Variants in CCNT1 observed in about 807,000 individuals in gnomAD.
CCNT1 encodes cyclin T1.
CCNT1 carries 18 observed loss-of-function variants against 67.3 expected under a neutral mutation model. The ratio of observed to expected loss-of-function variants is 0.27; its 90% CI spans 0.18 to 0.40. The LOEUF (loss-of-function observed/expected upper bound fraction) is 0.40. Ranked by LOEUF, CCNT1 falls within the 10% of genes least tolerant of loss-of-function variation. The pLI is 1.00. For synonymous variants in CCNT1, 333 were observed against 310.3 expected (o/e 1.07, Z -0.77); for missense variants, 744 against 884.9 (o/e 0.84, Z 2.02).
chr12:48,694,465 C>T (rs749376617), intron 8 of CCNT1, 29 bp from the exon 9 acceptor site: 1 of 1,577,790 alleles, frequency 6.3e-7, no homozygotes, highest in South Asian at 1.1e-5. Context: ...CATCTCTTTA[C>T]TTAGGTAATT....
chr12:48,691,686 T>C lies in CCNT1; in HGVS notation c.*1347A>G, dbSNP rs1248973699. 1 of 152,146 alleles carries C rather than the reference T, an allele frequency of 6.6e-6. No homozygotes were observed. Among genetic ancestry groups the C allele is most frequent in the Non-Finnish European group, 1.5e-5 (1 of 68,038 alleles). The allele number at this position is 152,146 out of a possible 1,614,324, so 9.4% of individuals were successfully genotyped here. Reference sequence around the variant, plus strand: ...ACCTAAAGCTACCAAAGATGAACAATCTAAACACAATAGTATCCATTGGCT... The same window carrying C: ...ACCTAAAGCTACCAAAGATGAACAACCTAAACACAATAGTATCCATTGGCT... On this transcript the variant is annotated 3_prime_UTR_variant, in exon 9 of 9. Coordinates refer to ENST00000261900, the MANE Select transcript of CCNT1 (RefSeq NM_001240.4).
rs1391378413 is a variant in CCNT1, at chr12:48,689,603, T to C, written c.*3430A>G. The C allele has an allele frequency of 1.3e-5, 2 of 152,206 alleles. No individual in the cohort carries two copies. The highest frequency in any genetic ancestry group is 2.4e-5 in the African/African-American group (1 of 41,454). 9.4% of individuals were successfully genotyped at this position (152,206 alleles called of 1,614,324 possible). A position where few individuals can be genotyped will look rare whatever the true frequency, so the allele number is the denominator to read the frequency against. ...CAAGACCAAAAGAATAAAATTTGTA[T>C]TTCAACTGCAAGATGTTCTAGATTC... On this transcript the variant is annotated 3_prime_UTR_variant, in exon 9 of 9. Transcript: ENST00000261900.
At chr12:48,708,785 G>GA (rs1940404733) in intron 2 of CCNT1, among the ~76,000 whole-genome samples, 1 of 151,970 alleles carries the variant, frequency 6.6e-6, no homozygotes, top group Non-Finnish European at 1.5e-5. Context: ...TAAGGAGAGG[G>GA]AAAAAATGGT....
In CCNT1 at chr12:48,689,360, A is replaced by G. The variant is rs942304034; in HGVS notation, c.*3673T>C. On this transcript the variant is annotated 3_prime_UTR_variant, in exon 9 of 9. Coordinates refer to ENST00000261900, the MANE Select transcript of CCNT1 (RefSeq NM_001240.4). ...TGTACCGTGCTTGTTTCAAACTCAC[A>G]TCCACGGAGGGATAAAAAGACAAAA... 2.0e-5 allele frequency: 3 copies of G among 152,226 alleles called. No individual in the cohort carries two copies. The highest frequency in any genetic ancestry group is 4.8e-5 in the African/African-American group (2 of 41,456). The allele number at this position is 152,226 out of a possible 1,614,324, so 9.4% of individuals were successfully genotyped here.
At chr12:48,716,430 T>G (rs1435849886) in intron 1 of CCNT1, 85 bp downstream of exon 1, 19 of 1,273,782 alleles carry the variant, frequency 1.5e-5, no homozygotes, top group Non-Finnish European at 2.0e-5. Flanking sequence ...TTCCCCACTT[T>G]CGTCCCCCCC....
chr12:48,714,419 A>G, intron 2 of CCNT1, 24 bp downstream of exon 2: 1 of 1,428,622 alleles, frequency 7.0e-7, no homozygotes, highest in Non-Finnish European at 9.9e-7. Context: ...AAAGGATTAT[A>G]TCATATAAAA....
intron 2 of CCNT1, among the ~76,000 whole-genome samples, chr12:48,707,007 C>G (rs776105845): frequency 1.4e-4 from 21 of 152,112 alleles, no homozygotes; most frequent in Non-Finnish European, 2.6e-4. Context: ...AGTCCGAGAC[C>G]AGCCTGGGCA....
In CCNT1 at chr12:48,716,566, T is replaced by G. The variant is rs1940536589; in HGVS notation, c.110A>C (p.Tyr37Ser). 4 of 1,614,264 alleles carry G rather than the reference T, an allele frequency of 2.5e-6. No individual in the cohort carries two copies. Among genetic ancestry groups the G allele is most frequent in the Non-Finnish European group, 3.4e-6 (4 of 1,180,036 alleles). The change falls in exon 1 of 9, where the codon TAT (tyrosine) becomes TCT (serine). Residue 37 changes from tyrosine (Y) to serine (S), a missense_variant. Physicochemically the swap from Tyr to Ser is moderately radical, Grantham distance 144 (BLOSUM62 -2). Around this residue, in one of 3 missense-constraint regions of CCNT1, gnomAD observed 142 missense variants for 277.0 expected, o/e 0.51. Coordinates refer to ENST00000261900, the MANE Select transcript of CCNT1 (RefSeq NM_001240.4). ...FGVDPDKELS[Y>S]RQQAANLLQD... is the part of the protein sequence containing the mutation. The stretch of plus-strand genomic sequence containing the variant: ...AAGCAGATTGGCCGCCTGCTGGCGA[T>G]AAGAAAGTTCTTTATCTGGGTCCAC...
chr12:48,712,313 G>A (rs970102193), intron 2 of CCNT1, among the ~76,000 whole-genome samples: 3 of 151,342 alleles, frequency 2.0e-5, no homozygotes, highest in East Asian at 2.0e-4. Context: ...ATGGAGTTTC[G>A]CTCTTGTTGC....
Position 48,693,518 on chromosome 12 carries a change from A to C in CCNT1, c.1696T>G (p.Ser566Ala). ...CTTTTACGAGTAGAACTGGAAGAGG[A>C]AAAAGAACTAGACAAGCTATAGGTT... ...HKTYSLSSSFSSSSSTRKRGP... is the reference protein window; with the variant it reads ...HKTYSLSSSFASSSSTRKRGP... Residue 566 changes from serine to alanine, a missense_variant, in exon 9 of 9, where the codon TCC (serine) becomes GCC (alanine). Transcript: ENST00000261900. 6.2e-7 allele frequency: 1 copy of C among 1,614,208 alleles called. No individual in the cohort carries two copies. Among genetic ancestry groups the C allele is most frequent in the East Asian group, 2.2e-5 (1 of 44,886 alleles).
chr12:48,692,205 T>A lies in CCNT1; in HGVS notation c.*828A>T, dbSNP rs771593385. 6.6e-6 allele frequency: 1 copy of A among 152,216 alleles called. No individual in the cohort carries two copies. Among genetic ancestry groups the A allele is most frequent in the Admixed American group, 6.5e-5 (1 of 15,282 alleles). 9.4% of individuals were successfully genotyped at this position (152,216 alleles called of 1,614,324 possible). A position where few individuals can be genotyped will look rare whatever the true frequency, so the allele number is the denominator to read the frequency against. ...CCCAAACTACAAATTAGAGGGCTAC[T>A]ACTCAATTATAACATAAAGAAAGGG... On this transcript the variant is annotated 3_prime_UTR_variant, in exon 9 of 9. Transcript: ENST00000261900.
chr12:48,713,911 T>G (rs1283190043), intron 2 of CCNT1, among the ~76,000 whole-genome samples: 1 of 152,122 alleles, frequency 6.6e-6, no homozygotes, highest in East Asian at 1.9e-4. Flanking sequence ...GGGTTTTTTT[T>G]GAAGACAGGG....
chr12:48,706,931 A>G (rs1940369735), intron 2 of CCNT1, among the ~76,000 whole-genome samples: 1 of 152,180 alleles, frequency 6.6e-6, no homozygotes, highest in Non-Finnish European at 1.5e-5. Context: ...TAGGCCAGAC[A>G]CAGTGGTTCA....
Position 48,698,189 on chromosome 12 carries a change from GAAAA to G in CCNT1, c.497-10_497-7del. ...CTGTGCTAAGTCCTTGCTTGCTAAAGAAAAAAAAAAAAAGTCAGGGGTGGGGGAG... is the reference window on the plus strand; with the variant it reads ...CTGTGCTAAGTCCTTGCTTGCTAAAGAAAAAAAAAGTCAGGGGTGGGGGAG... On this transcript the variant is annotated splice_polypyrimidine_tract_variant and splice_region_variant and intron_variant, in intron 5 of 8. Coordinates refer to ENST00000261900, the MANE Select transcript of CCNT1 (RefSeq NM_001240.4). 2.7e-6 allele frequency: 3 copies of G among 1,099,936 alleles called. No homozygotes were observed. Among genetic ancestry groups the G allele is most frequent in the East Asian group, 2.9e-5 (1 of 34,752 alleles). The allele number at this position is 1,099,936 out of a possible 1,614,324, so 68.1% of individuals were successfully genotyped here. A position where few individuals can be genotyped will look rare whatever the true frequency, so the allele number is the denominator to read the frequency against.
rs1592117655 is a variant in CCNT1 at position 48,694,251 on chromosome 12, G to A, written c.963C>T (p.Ser321=). The change falls in exon 9 of 9, where the codon AGC becomes AGT. Residue 321 remains serine, a synonymous_variant. Transcript: ENST00000261900. ...PSLPVSEESS[S]NLTSVEMLPG... The stretch of plus-strand genomic sequence containing the variant: ...GCAACATCTCCACACTGGTTAAGTT[G>A]CTGGATGACTCTTCGGAGACTGGCA... 10 of 1,614,104 alleles carry A rather than the reference G, an allele frequency of 6.2e-6. No individual in the cohort carries two copies. Among genetic ancestry groups the A allele is most frequent in the Non-Finnish European group, 7.6e-6 (9 of 1,180,052 alleles).
In CCNT1 at chr12:48,693,992, C is replaced by T; in HGVS notation, c.1222G>A (p.Glu408Lys). 3 of 1,614,198 alleles carry T rather than the reference C, an allele frequency of 1.9e-6. No individual in the cohort carries two copies. The highest frequency in any genetic ancestry group is 2.5e-6 in the Non-Finnish European group (3 of 1,180,028). ...EELAAQKRQL[E>K]NMEANVKSQY... Reference sequence around the variant, plus strand: ...GACTTCACATTGGCTTCCATGTTCTCCAGTTGCCTCTTCTGGGCAGCCAAT... The same window carrying T: ...GACTTCACATTGGCTTCCATGTTCTTCAGTTGCCTCTTCTGGGCAGCCAAT... The change falls in exon 9 of 9, where the codon GAG (glutamate) becomes AAG (lysine). Residue 408 changes from glutamate (E) to lysine (K), a missense_variant. Physicochemically the swap from Glu to Lys is moderately conservative, Grantham distance 56 (BLOSUM62 1). Coordinates refer to ENST00000261900, the MANE Select transcript of CCNT1 (RefSeq NM_001240.4).
rs1940071499 is a variant in CCNT1, at chr12:48,691,439, A to C, written c.*1594T>G. ...ATTGAACCACCTTTTCCAGAGCAAA[A>C]AAAATGCAATGAAGATCAAAGAATA... is the stretch of plus-strand genomic sequence containing the variant. On this transcript the variant is annotated 3_prime_UTR_variant, in exon 9 of 9. Transcript: ENST00000261900. The C allele has an allele frequency of 6.6e-6, 1 of 152,228 alleles. No individual in the cohort carries two copies. The highest frequency in any genetic ancestry group is 2.4e-5 in the African/African-American group (1 of 41,460). The allele number at this position is 152,228 out of a possible 1,614,324, so 9.4% of individuals were successfully genotyped here. A position where few individuals can be genotyped will look rare whatever the true frequency, so the allele number is the denominator to read the frequency against.
chr12:48,690,765 G>A lies in CCNT1; in HGVS notation c.*2268C>T, dbSNP rs947137645. On this transcript the variant is annotated 3_prime_UTR_variant, in exon 9 of 9. Transcript: ENST00000261900. Reference sequence around the variant, plus strand: ...TACGGCCATGGATAACTGCTATGAGGCCAAATGATTATGTGCCTCTGTGGT... The same window carrying A: ...TACGGCCATGGATAACTGCTATGAGACCAAATGATTATGTGCCTCTGTGGT... 1 of 152,178 alleles carries A rather than the reference G, an allele frequency of 6.6e-6. No homozygotes were observed. Among genetic ancestry groups the A allele is most frequent in the African/African-American group, 2.4e-5 (1 of 41,442 alleles). 9.4% of individuals were successfully genotyped at this position (152,178 alleles called of 1,614,324 possible).
At chr12:48,710,503 C>A (rs1437025666) in intron 2 of CCNT1, among the ~76,000 whole-genome samples, 1 of 152,170 alleles carries the variant, frequency 6.6e-6, no homozygotes, top group African/African-American at 2.4e-5. Flanking sequence ...CTATACTAGC[C>A]AGGTGCAGTG....
Sources: allele counts gnomAD v4.1 joint callset (sites outside exome capture counted in the v4.1 genomes callset), GRCh38; gene constraint gnomAD v4.1.1; regional missense constraint gnomAD v4.1.1; transcripts MANE v1.5; gene names NCBI Gene and HGNC (gene_info 2026-07-23, HGNC 2026-07-21).